ATG13: variants seen among roughly 807,000 people sequenced by gnomAD.
ATG13 encodes autophagy-related protein 13.
In ATG13, 23 loss-of-function variants were observed where a neutral mutation model predicts 65.5. That is an observed-to-expected ratio of 0.35 (90% CI 0.25 to 0.50). The LOEUF is 0.50. Ranked by LOEUF, ATG13 falls within the 20% of genes least tolerant of loss-of-function variation. ATG13 has a pLI of 0.98. For synonymous variants in ATG13, 252 were observed against 245.2 expected, an observed-to-expected ratio of 1.03 and a Z score of -0.26; for missense variants, 566 against 677.0, an observed-to-expected ratio of 0.84 and a Z score of 1.82.
chr11:46,642,298 T>G (rs2056290459), intron 2 of ATG13, among the ~76,000 whole-genome samples: 1 of 130,910 alleles, frequency 7.6e-6, no homozygotes, highest in Admixed American at 9.8e-5. Flanking sequence ...TTTTTTATTT[T>G]TGTGGGTTTT....
intron 7 of ATG13, among the ~76,000 whole-genome samples, chr11:46,650,662 A>G (rs761352190): frequency 6.6e-6 from 1 of 152,164 alleles, no homozygotes; most frequent in Non-Finnish European, 1.5e-5. Context: ...TTAGAGTGCA[A>G]TGGCGCGATC....
chr11:46,619,315 G>A (rs576771127), intron 1 of ATG13, among the ~76,000 whole-genome samples: 2 of 144,006 alleles, frequency 1.4e-5, no homozygotes, highest in East Asian at 4.2e-4. Context: ...GGATTTAAAG[G>A]TTATTTTAAA....
In ATG13 at chr11:46,665,570, G is replaced by A. The variant is rs549587982; in HGVS notation, c.1136+51G>A. On this transcript the variant is annotated intron_variant, in intron 14 of 18. Transcript: ENST00000683050. ...CTGGTAAGGCTGGCCAGGGGCCTGG[G>A]CTCCCTGACACACGTGCTTATTTAG... 4.1e-5 allele frequency: 65 copies of A among 1,598,706 alleles called. No homozygotes were observed. The East Asian group carries it at 1.5e-3, about 36-fold the overall frequency.
At position 46,672,492 on chromosome 11, in the gene ATG13, C is replaced by A; in HGVS notation, c.*160C>A. 1 of 1,499,494 alleles carries A rather than the reference C, an allele frequency of 6.7e-7. No individual in the cohort carries two copies. The highest frequency in any genetic ancestry group is 8.9e-7 in the Non-Finnish European group (1 of 1,125,652). 92.9% of individuals were successfully genotyped at this position (1,499,494 alleles called of 1,614,324 possible). A position where few individuals can be genotyped will look rare whatever the true frequency, so the allele number is the denominator to read the frequency against. On this transcript the variant is annotated 3_prime_UTR_variant, in exon 19 of 19. Coordinates refer to ENST00000683050, the MANE Select transcript of ATG13 (RefSeq NM_001346311.2). ...CCAGAAGTCCCTACTCTTGGACCTC[C>A]TGGAGACTCCGTGGCGGCAGTCAAG...
intron 11 of ATG13, chr11:46,659,778 C>CT: frequency 3.7e-6 from 1 of 272,978 alleles, no homozygotes. Context: ...GAGATTTTGT[C>CT]TAACTTACAC....
intron 11 of ATG13, among the ~76,000 whole-genome samples, chr11:46,663,393 C>G (rs1426962043): frequency 1.3e-5 from 2 of 151,834 alleles, no homozygotes; most frequent in Non-Finnish European, 2.9e-5. Context: ...TTTACTTCAT[C>G]AGGTTCACCT....
intron 14 of ATG13, 72 bp from the exon 15 acceptor site, chr11:46,667,699 TGG>T: frequency 2.6e-6 from 3 of 1,155,176 alleles, no homozygotes; most frequent in Non-Finnish European, 3.8e-6. Context: ...CCCCACCAGA[TGG>T]TGTATTTATA....
At position 46,664,951 on chromosome 11, in the gene ATG13, C is replaced by T. The variant is rs763798901; in HGVS notation, c.991C>T (p.Pro331Ser). Residue 331 changes from proline to serine, a missense_variant, in exon 13 of 19, where the codon CCT becomes TCT. Physicochemically the swap from Pro to Ser is moderately conservative, Grantham distance 74. This residue lies in a region of ATG13 where 387 missense variants were observed against 409.8 expected (regional missense o/e 0.94). Coordinates refer to ENST00000683050, the MANE Select transcript of ATG13 (RefSeq NM_001346311.2). ...VFAAGLNATH[P>S]HQLMVPGKEG... Reference sequence around the variant, plus strand: ...TGCTGCTGGCTTAAATGCTACACACCCTCACCAGGTATCTTTAAAGATGGG... The same window carrying T: ...TGCTGCTGGCTTAAATGCTACACACTCTCACCAGGTATCTTTAAAGATGGG... 6.2e-7 allele frequency: 1 copy of T among 1,613,222 alleles called. No homozygotes were observed. The highest frequency in any genetic ancestry group is 1.3e-5 in the African/African-American group (1 of 74,914).
intron 2 of ATG13, among the ~76,000 whole-genome samples, chr11:46,637,400 A>G (rs2054326506): frequency 6.6e-6 from 1 of 152,210 alleles, no homozygotes; most frequent in African/African-American, 2.4e-5. Context: ...TCTGAATTTT[A>G]ATAATTTATT....
chr11:46,660,423 T>A (rs1294323397), intron 11 of ATG13, among the ~76,000 whole-genome samples: 1 of 151,368 alleles, frequency 6.6e-6, no homozygotes, highest in Admixed American at 6.6e-5. Context: ...TTCCCTTTTT[T>A]TTTTGAGACG....
At chr11:46,643,421 C>T (rs951939220) in intron 2 of ATG13, among the ~76,000 whole-genome samples, 14 of 152,142 alleles carry the variant, frequency 9.2e-5, no homozygotes, top group Admixed American at 9.2e-4. Context: ...TCTATTTTAT[C>T]TGCTGGCTCA....
chr11:46,629,643 C>T (rs1014942789), intron 1 of ATG13, among the ~76,000 whole-genome samples: 2 of 152,106 alleles, frequency 1.3e-5, no homozygotes, highest in African/African-American at 4.8e-5. Flanking sequence ...ATGATCCACC[C>T]GCTTCGGCCT....
intron 2 of ATG13, among the ~76,000 whole-genome samples, chr11:46,641,804 A>G (rs1418459246): frequency 2.1e-5 from 3 of 146,156 alleles, no homozygotes; most frequent in Non-Finnish European, 4.5e-5. Flanking sequence ...CCTGTTGCCC[A>G]GGCTGGAGTG....
intron 2 of ATG13, among the ~76,000 whole-genome samples, chr11:46,632,780 G>A (rs551892023): frequency 1.3e-4 from 20 of 151,864 alleles, no homozygotes; most frequent in East Asian, 9.7e-4. Flanking sequence ...TAACCATCTG[G>A]TACTATTTTA....
Position 46,617,628 on chromosome 11 carries a change from CGGG to C in ATG13, c.-331_-329del, listed in dbSNP as rs2045722582. The C allele has an allele frequency of 4.3e-6, 1 of 231,916 alleles. No individual in the cohort carries two copies. The highest frequency in any genetic ancestry group is 8.0e-6 in the Non-Finnish European group (1 of 124,612). 14.4% of individuals were successfully genotyped at this position (231,916 alleles called of 1,614,324 possible). On this transcript the variant is annotated 5_prime_UTR_variant, in exon 1 of 19. Coordinates refer to ENST00000683050, the MANE Select transcript of ATG13 (RefSeq NM_001346311.2). ...AAGCGACCGGCTGCTGGGCTTAAGG[CGGG>C]AGTGACCGCTTAACCAGTGAGGGAA...
At chr11:46,622,318 C>T (rs991673125) in intron 1 of ATG13, among the ~76,000 whole-genome samples, 3 of 151,444 alleles carry the variant, frequency 2.0e-5, no homozygotes, top group South Asian at 2.1e-4. Flanking sequence ...GGGGTTTCAC[C>T]ATGTTAGCCA....
intron 8 of ATG13, 124 bp from the exon 9 acceptor site, chr11:46,656,971 C>T: frequency 1.3e-6 from 1 of 796,222 alleles, no homozygotes; most frequent in Non-Finnish European, 2.2e-6. Context: ...GGCTGCTGCA[C>T]TTAACATGCT....
intron 2 of ATG13, among the ~76,000 whole-genome samples, chr11:46,632,634 T>C (rs2052199231): frequency 6.6e-6 from 1 of 152,086 alleles, no homozygotes; most frequent in African/African-American, 2.4e-5. Context: ...GTCTACAAAG[T>C]CTGAAGAGAA....
intron 2 of ATG13, among the ~76,000 whole-genome samples, chr11:46,638,859 GT>G (rs372041672): frequency 4.3e-4 from 65 of 152,214 alleles, no homozygotes; most frequent in African/African-American, 1.5e-3. Context: ...CCAGGCTGGA[GT>G]GCAATGTTGT....
Sources: allele counts gnomAD v4.1 joint callset (sites outside exome capture counted in the v4.1 genomes callset), GRCh38; gene constraint gnomAD v4.1.1; regional missense constraint gnomAD v4.1.1; transcripts MANE v1.5; gene names NCBI Gene and HGNC (gene_info 2026-07-23, HGNC 2026-07-21).